USP24: variants seen among roughly 807,000 people sequenced by gnomAD.
USP24 encodes the protein ubiquitin specific peptidase 24, also known as ubiquitin carboxyl-terminal hydrolase 24.
In USP24, 97 loss-of-function variants were observed where a neutral mutation model predicts 361.6. That is an observed-to-expected ratio of 0.27 (90% CI 0.23 to 0.32). The LOEUF is 0.32. USP24 is among the 10% of genes least tolerant of loss of function. The pLI is 1.00. For missense variants in USP24, 2,353 were observed against 3,165.6 expected (o/e 0.74, Z 6.16); for synonymous variants, 1,098 against 1,124.6 (o/e 0.98, Z 0.47).
intron 58 of USP24, among the ~76,000 whole-genome samples, chr1:55,082,648 C>A (rs937592650): frequency 4.6e-5 from 7 of 152,064 alleles, no homozygotes; most frequent in African/African-American, 1.4e-4. Flanking sequence ...TAGCCAGGCA[C>A]GGTGGCATGT....
chr1:55,177,361 ACT>A (rs1488384272), intron 2 of USP24, among the ~76,000 whole-genome samples: 1 of 152,034 alleles, frequency 6.6e-6, no homozygotes, highest in Non-Finnish European at 1.5e-5. Context: ...TGCTAAACAC[ACT>A]CTCTTTTTTT....
At position 55,185,117 on chromosome 1, in the gene USP24, CCTGA is replaced by C. The variant is rs150597311; in HGVS notation, c.325-6989_325-6986del. 4.0e-4 allele frequency among the ~76,000 whole-genome samples: 61 copies of C among 152,076 alleles called. 1 individual carries two copies. The highest frequency in any genetic ancestry group is 1.4e-3 in the African/African-American group (57 of 41,486). On this transcript the variant is annotated intron_variant, in intron 1 of 67. Coordinates refer to ENST00000294383, the MANE Select transcript of USP24 (RefSeq NM_015306.3). ...GGGACTACTGCTGCATACCACCATGCCTGACTATGTTTTGTTTTAGAAATAGGGT... is the reference window on the plus strand; with the variant it reads ...GGGACTACTGCTGCATACCACCATGCCTATGTTTTGTTTTAGAAATAGGGT...
rs760209544 is a variant in USP24 at position 55,098,053 on chromosome 1, T to C, written c.5485A>G (p.Asn1829Asp). Residue 1829 changes from asparagine (N) to aspartate (D), a missense_variant, in exon 47 of 68, where the codon AAT (asparagine) becomes GAT (aspartate). By Grantham distance (23) the Asn-to-Asp change is conservative. Around this residue, in one of 8 missense-constraint regions of USP24, gnomAD observed 105 missense variants for 200.3 expected, o/e 0.52. Transcript: ENST00000294383. ...YEREEAFMALNLGVTSCQSLE... is the reference protein window; with the variant it reads ...YEREEAFMALDLGVTSCQSLE... The stretch of plus-strand genomic sequence containing the variant: ...CTCTGACAAGAAGTCACTCCTAGAT[T>C]GAGAGCCATGAAAGCTTCTTCACGC... 1 of 1,609,856 alleles carries C rather than the reference T, an allele frequency of 6.2e-7. No individual in the cohort carries two copies. Among genetic ancestry groups the C allele is most frequent in the South Asian group, 1.1e-5 (1 of 90,466 alleles).
In USP24 at chr1:55,068,191, T is replaced by C. The variant is rs1044787050; in HGVS notation, c.*854A>G. On this transcript the variant is annotated 3_prime_UTR_variant, in exon 68 of 68. Transcript: ENST00000294383. Reference sequence around the variant, plus strand: ...AATATGTCTCCAAGCATTAAAAAGATAATTCTGTGAAGTTAAACTCAGTAA... The same window carrying C: ...AATATGTCTCCAAGCATTAAAAAGACAATTCTGTGAAGTTAAACTCAGTAA... 1 of 152,250 alleles carries C rather than the reference T, an allele frequency of 6.6e-6. No homozygotes were observed. Among genetic ancestry groups the C allele is most frequent in the African/African-American group, 2.4e-5 (1 of 41,470 alleles). 9.4% of individuals were successfully genotyped at this position (152,250 alleles called of 1,614,324 possible).
intron 1 of USP24, among the ~76,000 whole-genome samples, chr1:55,189,309 T>A (rs999460680): frequency 6.6e-6 from 1 of 152,204 alleles, no homozygotes; most frequent in Non-Finnish European, 1.5e-5. Context: ...ATGTGTTATA[T>A]CCATACAATG....
intron 38 of USP24, among the ~76,000 whole-genome samples, chr1:55,114,509 T>C (rs1646048127): frequency 6.6e-6 from 1 of 151,954 alleles, no homozygotes; most frequent in Non-Finnish European, 1.5e-5. Context: ...AAGGCTACAG[T>C]ACCAAAACAG....
chr1:55,089,678 C>T lies in USP24; in HGVS notation c.6617G>A (p.Cys2206Tyr), dbSNP rs902651041. The change falls in exon 55 of 68, where the codon TGT becomes TAT. Residue 2206 changes from cysteine (C) to tyrosine (Y), a missense_variant. Cys to Tyr is a radical substitution (Grantham distance 194, BLOSUM62 -2). This residue lies in a region of USP24 where 598 missense variants were observed against 761.9 expected (regional missense o/e 0.78). Coordinates refer to ENST00000294383, the MANE Select transcript of USP24 (RefSeq NM_015306.3). ...EALLSKSFDA[C>Y]QWLVEYFISS... Reference sequence around the variant, plus strand: ...AATAAAATATTCAACTAACCACTGACAAGCATCAAAACTTTTTGAAAGCAA... The same window carrying T: ...AATAAAATATTCAACTAACCACTGATAAGCATCAAAACTTTTTGAAAGCAA... 15 of 1,605,034 alleles carry T rather than the reference C, an allele frequency of 9.3e-6. No individual in the cohort carries two copies. Among genetic ancestry groups the T allele is most frequent in the Non-Finnish European group, 9.4e-6 (11 of 1,175,230 alleles).
chr1:55,156,199 T>C (rs745491226), intron 12 of USP24, among the ~76,000 whole-genome samples: 26 of 152,108 alleles, frequency 1.7e-4, no homozygotes, highest in Non-Finnish European at 1.8e-4. Context: ...AAGATGCCAA[T>C]GCACTATGCA....
At chr1:55,085,541 G>C (rs528881786) in intron 56 of USP24, among the ~76,000 whole-genome samples, 1 of 152,328 alleles carries the variant, frequency 6.6e-6, no homozygotes, top group Admixed American at 6.5e-5. Context: ...GCCAGCTGCA[G>C]GTTTAGATCA....
chr1:55,118,725 T>C (rs1404348119), intron 38 of USP24, among the ~76,000 whole-genome samples: 1 of 152,228 alleles, frequency 6.6e-6, no homozygotes, highest in Admixed American at 6.5e-5. Context: ...AATAATCCAA[T>C]TTAAAAATGA....
intron 57 of USP24, among the ~76,000 whole-genome samples, 158 bp downstream of exon 57, chr1:55,083,614 A>C (rs1645194209): frequency 6.6e-6 from 1 of 152,182 alleles, no homozygotes; most frequent in African/African-American, 2.4e-5. Context: ...AACTATACCC[A>C]CCTCATCAGA....
At position 55,125,404 on chromosome 1, in the gene USP24, C is replaced by T. The variant is rs1387478647; in HGVS notation, c.3876G>A (p.Lys1292=). The part of the protein sequence containing the change: ...RQMSLCGTPE[K]SSYRQLSVSD... ...ACACGGACAACTGTCGGTAGGATGA[C>T]TTTTCTGGGGTACCACATAAGGACA... The change falls in exon 34 of 68, where the codon AAG becomes AAA. Residue 1292 remains lysine, a synonymous_variant. Transcript: ENST00000294383. The T allele has an allele frequency of 6.2e-7, 1 of 1,613,914 alleles. No individual in the cohort carries two copies.
In USP24 at chr1:55,095,833, T is replaced by C. The variant is rs368995894; in HGVS notation, c.6062-437A>G. Among the ~76,000 whole-genome samples, 140 of 152,318 alleles carry C rather than the reference T, an allele frequency of 9.2e-4. 4 individuals carry two copies. The South Asian group carries it at 0.027, about 30-fold the overall frequency. On this transcript the variant is annotated intron_variant, in intron 50 of 67. Transcript: ENST00000294383. ...CAATACTATATCCAACTCTTAAAGG[T>C]TACCACCATAAGATGCTTAACTATA...
intron 67 of USP24, among the ~76,000 whole-genome samples, chr1:55,069,615 G>A (rs1027783191): frequency 1.3e-5 from 2 of 151,736 alleles, no homozygotes; most frequent in Admixed American, 6.6e-5. Flanking sequence ...GGAGGAGCAA[G>A]GACAGTCTCT....
chr1:55,124,852 C>T (rs1419762866), intron 34 of USP24, among the ~76,000 whole-genome samples: 4 of 152,112 alleles, frequency 2.6e-5, no homozygotes, highest in Admixed American at 6.5e-5. Flanking sequence ...ATACGCTTTA[C>T]CAATTTTTTC....
At chr1:55,089,972 T>C (rs915527974) in intron 54 of USP24, among the ~76,000 whole-genome samples, 1 of 152,168 alleles carries the variant, frequency 6.6e-6, no homozygotes, top group Non-Finnish European at 1.5e-5. Context: ...TGGCTCATCT[T>C]TCCCCACAAA....
At chr1:55,146,131 A>G in intron 19 of USP24, 22 bp from the exon 20 acceptor site, 1 of 1,555,438 alleles carries the variant, frequency 6.4e-7, no homozygotes, top group Non-Finnish European at 8.9e-7. Context: ...GACGAATATC[A>G]CCCTATAACT....
chr1:55,202,161 A>G (rs534638188), intron 1 of USP24, among the ~76,000 whole-genome samples: 1 of 152,340 alleles, frequency 6.6e-6, no homozygotes, highest in South Asian at 2.1e-4. Context: ...ATTCATTAAA[A>G]TATATAACCT....
chr1:55,069,349 A>G (rs1644873070), intron 67 of USP24, among the ~76,000 whole-genome samples: 1 of 152,246 alleles, frequency 6.6e-6, no homozygotes, highest in Admixed American at 6.5e-5. Context: ...TAAAGTCACA[A>G]TGCTACTCTG....
Sources: gnomAD v4.1 joint callset for allele counts (sites outside exome capture counted in the v4.1 genomes callset) on GRCh38, gnomAD v4.1.1 for gene constraint, gnomAD v4.1.1 regional missense constraint, MANE v1.5 for transcripts, NCBI Gene and HGNC (gene_info 2026-07-23, HGNC 2026-07-21) for gene names.